The following ALPK1 variants were observed in gnomAD, a reference collection of about 807,000 sequenced individuals.
The protein encoded by ALPK1 is alpha kinase 1.
A neutral mutation model predicts 120.6 loss-of-function variants in ALPK1; 110 were observed. The observed-to-expected ratio is 0.91, with a 90% CI of 0.78 to 1.07. ALPK1 has a LOEUF of 1.07. ALPK1 is among the 50% of genes least tolerant of loss of function. ALPK1 has a pLI of 0.00. For missense variants in ALPK1, 1,498 were observed against 1,483.9 expected, an observed-to-expected ratio of 1.01 and a Z score of -0.16; for synonymous variants, 582 against 560.3, an observed-to-expected ratio of 1.04 and a Z score of -0.55.
At chr4:112,307,795 G>T (rs180971316) in intron 1 of ALPK1, among the ~76,000 whole-genome samples, 146 of 152,224 alleles carry the variant, frequency 9.6e-4, no homozygotes, top group African/African-American at 3.3e-3. Flanking sequence ...TCATTATAAT[G>T]TTAGCTGGTT....
chr4:112,326,278 C>T (rs1022627967), intron 2 of ALPK1, among the ~76,000 whole-genome samples: 4 of 152,128 alleles, frequency 2.6e-5, no homozygotes, highest in South Asian at 2.1e-4. Flanking sequence ...ACAAGCCATG[C>T]GTTGTGCTAA....
At chr4:112,398,506 C>T (rs1315210067) in intron 4 of ALPK1, among the ~76,000 whole-genome samples, 2 of 152,058 alleles carry the variant, frequency 1.3e-5, no homozygotes, top group Admixed American at 1.3e-4. Context: ...CCTATGTTGC[C>T]CAGGCTTCTT....
At chr4:112,394,845 G>A (rs1228369762) in intron 4 of ALPK1, among the ~76,000 whole-genome samples, 1 of 152,182 alleles carries the variant, frequency 6.6e-6, no homozygotes, top group Non-Finnish European at 1.5e-5. Context: ...AGCTCAAAAT[G>A]CTAGCAGAAA....
At chr4:112,333,741 T>C (rs1157999577) in intron 2 of ALPK1, among the ~76,000 whole-genome samples, 7 of 152,130 alleles carry the variant, frequency 4.6e-5, no homozygotes, top group Admixed American at 4.6e-4. Flanking sequence ...TCTGTTGACA[T>C]AAATTAGAAA....
intron 5 of ALPK1, chr4:112,412,489 C>G (rs1733531076): frequency 2.2e-6 from 1 of 456,348 alleles, no homozygotes; most frequent in African/African-American, 2.0e-5. Context: ...TTTCATCATT[C>G]AGAACACCGG....
intron 4 of ALPK1, among the ~76,000 whole-genome samples, chr4:112,409,135 G>GT (rs142800696): frequency 0.07 from 10,636 of 152,102 alleles, 609 homozygotes; most frequent in South Asian, 0.23. Flanking sequence ...TGATACGTTG[G>GT]TTTTTTAAAG....
intron 5 of ALPK1, among the ~76,000 whole-genome samples, chr4:112,422,015 T>A (rs1405425337): frequency 2.0e-5 from 3 of 152,176 alleles, no homozygotes; most frequent in African/African-American, 7.2e-5. Flanking sequence ...TACGGGTGAC[T>A]TGAACACAAG....
intron 1 of ALPK1, among the ~76,000 whole-genome samples, chr4:112,312,832 T>C (rs996764427): frequency 3.9e-5 from 6 of 152,214 alleles, no homozygotes; most frequent in Non-Finnish European, 5.9e-5. Context: ...CAAGTCATAG[T>C]TGTCAGAAGA....
chr4:112,374,526 T>A (rs1731564138), intron 2 of ALPK1, among the ~76,000 whole-genome samples: 1 of 152,214 alleles, frequency 6.6e-6, no homozygotes, highest in South Asian at 2.1e-4. Flanking sequence ...CTTAATGGTA[T>A]CTAGAATGGT....
chr4:112,335,582 G>A (rs897505934), intron 2 of ALPK1, among the ~76,000 whole-genome samples: 11 of 152,152 alleles, frequency 7.2e-5, no homozygotes, highest in African/African-American at 2.2e-4. Context: ...TCTGTGTGGG[G>A]TGAGTTTCTG....
At chr4:112,400,450 TA>T (rs1485035610) in intron 4 of ALPK1, among the ~76,000 whole-genome samples, 1 of 152,100 alleles carries the variant, frequency 6.6e-6, no homozygotes, top group East Asian at 1.9e-4. Context: ...TCAGGAGAAT[TA>T]GAGGAATTTT....
chr4:112,362,658 C>T (rs1730963514), intron 2 of ALPK1, among the ~76,000 whole-genome samples: 1 of 152,116 alleles, frequency 6.6e-6, no homozygotes, highest in South Asian at 2.1e-4. Flanking sequence ...TTGGAAAACA[C>T]ATTTAAGGGA....
rs531670285 is a variant in ALPK1 at position 112,314,589 on chromosome 4, C to T, written c.-152-1212C>T. Among the ~76,000 whole-genome samples, 12 of 152,140 alleles carry T rather than the reference C, an allele frequency of 7.9e-5. 1 individual carries two copies. The South Asian group carries it at 1.0e-3, about 13-fold the overall frequency. ...GATCATCACATGATTATTGAAATAT[C>T]GAAGAATAAGAGTGATTTGGAGAGA... is the stretch of plus-strand genomic sequence containing the variant. On this transcript the variant is annotated intron_variant, in intron 1 of 15. Transcript: ENST00000650871.
At position 112,432,656 on chromosome 4, in the gene ALPK1, A is replaced by G. The variant is rs1305214090; in HGVS notation, c.3034+75A>G. On this transcript the variant is annotated intron_variant, in intron 11 of 15. Transcript: ENST00000650871. ...GGGCACTCTGAAGAGCTTGGTATGT[A>G]GATCACTTAAAGCTCATGAAAGGTA... 4 of 1,391,218 alleles carry G rather than the reference A, an allele frequency of 2.9e-6. No individual in the cohort carries two copies. In the African/African-American group the frequency reaches 5.8e-5, roughly 20 times the overall value. The allele number at this position is 1,391,218 out of a possible 1,614,324, so 86.2% of individuals were successfully genotyped here.
At chr4:112,347,096 C>T (rs996357382) in intron 2 of ALPK1, among the ~76,000 whole-genome samples, 5 of 152,190 alleles carry the variant, frequency 3.3e-5, no homozygotes, top group Non-Finnish European at 1.5e-5. Flanking sequence ...ATAGCAGTAG[C>T]TGTTTCAGTG....
Position 112,435,376 on chromosome 4 carries a change from A to G in ALPK1, c.3188+75A>G, listed in dbSNP as rs878922578. 3.5e-6 allele frequency: 5 copies of G among 1,417,632 alleles called. No homozygotes were observed. The South Asian group carries it at 7.0e-5, about 20-fold the overall frequency. 87.8% of individuals were successfully genotyped at this position (1,417,632 alleles called of 1,614,324 possible). A position where few individuals can be genotyped will look rare whatever the true frequency, so the allele number is the denominator to read the frequency against. On this transcript the variant is annotated intron_variant, in intron 12 of 15. Transcript: ENST00000650871. ...CTCTTCTGTTAAGTAATCACTCATG[A>G]GACTTCGTAGGGGCTGAAAAACTTG...
At chr4:112,297,673 G>A (rs1384401566) in intron 1 of ALPK1, among the ~76,000 whole-genome samples, 1 of 151,866 alleles carries the variant, frequency 6.6e-6, no homozygotes, top group Admixed American at 6.6e-5. Flanking sequence ...GGTGGAGTGG[G>A]GAAGGGGAGG....
At chr4:112,439,662 A>G (rs1560691741) in intron 13 of ALPK1, 24 bp from the exon 14 acceptor site, 1 of 1,586,446 alleles carries the variant, frequency 6.3e-7, no homozygotes, top group Non-Finnish European at 8.6e-7. Context: ...TTATGCTGTA[A>G]TGTTTCTCAT....
At chr4:112,347,619 G>T (rs1560646963) in intron 2 of ALPK1, among the ~76,000 whole-genome samples, 1 of 152,292 alleles carries the variant, frequency 6.6e-6, no homozygotes, top group East Asian at 1.9e-4. Context: ...CTTCTCGAAT[G>T]AAGTTGTTTC....
Sources: gnomAD v4.1 joint callset for allele counts (sites outside exome capture counted in the v4.1 genomes callset) on GRCh38, gnomAD v4.1.1 for gene constraint, MANE v1.5 for transcripts, NCBI Gene and HGNC (gene_info 2026-07-23, HGNC 2026-07-21) for gene names.